The following VSIG1 variants were observed in gnomAD, a reference collection of about 807,000 sequenced individuals.
VSIG1 encodes the protein V-set and immunoglobulin domain-containing protein 1.
A neutral mutation model predicts 20.1 loss-of-function variants in VSIG1; 11 were observed. That is an observed-to-expected ratio of 0.55 (90% CI 0.34 to 0.91). The LOEUF (loss-of-function observed/expected upper bound fraction) is 0.91, where lower values mean the gene tolerates loss of function less well. Among genes scored for constraint, VSIG1 ranks in the 40% least tolerant of loss-of-function variants. VSIG1 has a pLI of 0.02. For missense variants in VSIG1, 283 were observed against 298.8 expected (o/e 0.95, Z 0.39); for synonymous variants, 126 against 116.7 (o/e 1.08, Z -0.52).
the VSIG1 span, among the ~76,000 whole-genome samples, chrX:108,020,860 G>C: frequency 1.8e-5 from 2 of 111,545 alleles, no homozygotes. Context: ...GTTCATGCCT[G>C]GAGATCTGTG....
At chrX:108,033,656 G>A in the VSIG1 span, among the ~76,000 whole-genome samples, 4 of 111,171 alleles carry the variant, frequency 3.6e-5, no homozygotes, top group African/African-American at 9.8e-5. Flanking sequence ...CTGCCCAGAC[G>A]GGGCTCAGTC....
chrX:108,075,694 G>A (rs1336937678), intron 5 of VSIG1, among the ~76,000 whole-genome samples: 2 of 111,239 alleles, frequency 1.8e-5, no homozygotes, highest in African/African-American at 3.3e-5. Context: ...AAGCATTGAC[G>A]CCATGGGGGA....
chrX:108,075,881 T>G (rs1006717804), intron 5 of VSIG1, among the ~76,000 whole-genome samples, 196 bp from the exon 6 acceptor site: 1 of 111,896 alleles, frequency 8.9e-6, no homozygotes. Flanking sequence ...CATTTTATTC[T>G]TTATGTGCAC....
the VSIG1 span, among the ~76,000 whole-genome samples, chrX:108,034,078 G>A: frequency 9.0e-6 from 1 of 110,655 alleles, no homozygotes; most frequent in African/African-American, 3.3e-5. Context: ...TGCTGCAAAG[G>A]ATTGTGGGAG....
the VSIG1 span, among the ~76,000 whole-genome samples, chrX:108,022,216 A>G: frequency 6.3e-5 from 7 of 111,833 alleles, no homozygotes; most frequent in African/African-American, 2.3e-4. Flanking sequence ...GGTTTTAAAA[A>G]ATTTCTTTCA....
Position 108,073,324 on chromosome X carries a change from A to G in VSIG1, c.643A>G (p.Asn215Asp). 8.3e-7 allele frequency: 1 copy of G among 1,211,184 alleles called. No individual in the cohort carries two copies. Among genetic ancestry groups the G allele is most frequent in the Non-Finnish European group, 1.1e-6 (1 of 894,903 alleles). The change falls in exon 5 of 7, where the codon AAC (asparagine) becomes GAC (aspartate). Residue 215 changes from asparagine (N) to aspartate (D), a missense_variant. Physicochemically the swap from Asn to Asp is conservative, Grantham distance 23. Transcript: ENST00000217957. ...AGGTTATTACCAGTGTACTGCCATC[A>G]ACAGACTTGGCAATAGTTCCTGCGA... ...EQGYYQCTAINRLGNSSCEID... is the reference protein window; with the variant it reads ...EQGYYQCTAIDRLGNSSCEID...
the VSIG1 span, among the ~76,000 whole-genome samples, chrX:108,023,284 T>G: frequency 4.5e-5 from 5 of 112,118 alleles, no homozygotes; most frequent in African/African-American, 6.5e-5. Context: ...TTTCATACAC[T>G]GAACTAACCT....
rs2031272450 is a variant in VSIG1 at position 108,072,658 on chromosome X, C to T, written c.413-19C>T. 1 of 1,196,382 alleles carries T rather than the reference C, an allele frequency of 8.4e-7. No homozygotes were observed. ...CCATTCATCCTAAAGAATTTTTATT[C>T]TTTGTCATTGCCTTACAGTGAAACC... On this transcript the variant is annotated intron_variant, in intron 3 of 6. Coordinates refer to ENST00000217957, the MANE Select transcript of VSIG1 (RefSeq NM_182607.5).
At chrX:108,033,273 C>T in the VSIG1 span, among the ~76,000 whole-genome samples, 9 of 112,332 alleles carry the variant, frequency 8.0e-5, no homozygotes, top group African/African-American at 2.3e-4. Context: ...TCTGCTCTGT[C>T]GCTACGAGCG....
chrX:108,028,008 G>T, the VSIG1 span, among the ~76,000 whole-genome samples: 1 of 111,128 alleles, frequency 9.0e-6, no homozygotes, highest in Non-Finnish European at 1.9e-5. Flanking sequence ...GTATAATTTT[G>T]GGGTGACCCA....
At chrX:108,054,247 A>G (rs1311704245) in intron 1 of VSIG1, among the ~76,000 whole-genome samples, 1 of 111,706 alleles carries the variant, frequency 9.0e-6, no homozygotes, top group Non-Finnish European at 1.9e-5. Flanking sequence ...TACACACCAA[A>G]CAACTATGTC....
chrX:108,065,317 T>C (rs189575874), intron 2 of VSIG1, among the ~76,000 whole-genome samples: 1 of 111,646 alleles, frequency 9.0e-6, no homozygotes, highest in East Asian at 2.8e-4. Context: ...TCCAGATCTG[T>C]CTCAACCGTC....
chrX:108,073,328 G>T lies in VSIG1; in HGVS notation c.647G>T (p.Arg216Ile). The T allele has an allele frequency of 8.3e-7, 1 of 1,210,863 alleles. No individual in the cohort carries two copies. The highest frequency in any genetic ancestry group is 3.0e-5 in the East Asian group (1 of 33,804). Residue 216 changes from arginine (R) to isoleucine (I), a missense_variant, in exon 5 of 7, where the codon AGA (arginine) becomes ATA (isoleucine). Coordinates refer to ENST00000217957, the MANE Select transcript of VSIG1 (RefSeq NM_182607.5). ...TATTACCAGTGTACTGCCATCAACAGACTTGGCAATAGTTCCTGCGAAATC... is the reference window on the plus strand; with the variant it reads ...TATTACCAGTGTACTGCCATCAACATACTTGGCAATAGTTCCTGCGAAATC... ...QGYYQCTAIN[R>I]LGNSSCEIDL...
At position 108,060,165 on chromosome X, in the gene VSIG1, CAAAT is replaced by C. The variant is rs756400663; in HGVS notation, c.213+1970_213+1973del. On this transcript the variant is annotated intron_variant, in intron 2 of 6. Transcript: ENST00000217957. ...GCACTTTTAAAAAAAAATCTGTTAA[CAAAT>C]AAATATTTATTGAGTAGCTTATTTA... Among the ~76,000 whole-genome samples the C allele has an allele frequency of 5.5e-3, 619 of 112,034 alleles. 5 individuals are homozygous for C. Among genetic ancestry groups the C allele is most frequent in the African/African-American group, 0.019 (582 of 30,872 alleles).
At position 108,073,193 on chromosome X, in the gene VSIG1, T is replaced by C. The variant is rs1326112789; in HGVS notation, c.569-57T>C. On this transcript the variant is annotated intron_variant, in intron 4 of 6. Transcript: ENST00000217957. ...GTGGACATTGAGTGATCTGTTACAC[T>C]GATGTTATCTGTATGCACAGAAGAG... 4.3e-6 allele frequency: 5 copies of C among 1,170,408 alleles called. No individual in the cohort carries two copies. The East Asian group carries it at 1.5e-4, about 35-fold the overall frequency.
At chrX:108,032,196 C>T in the VSIG1 span, among the ~76,000 whole-genome samples, 1 of 112,578 alleles carries the variant, frequency 8.9e-6, no homozygotes, top group Non-Finnish European at 1.9e-5. Context: ...CATGTCAACT[C>T]ATCTTTGTTT....
At chrX:108,032,710 G>C in the VSIG1 span, among the ~76,000 whole-genome samples, 2 of 111,343 alleles carry the variant, frequency 1.8e-5, no homozygotes, top group Non-Finnish European at 1.9e-5. Context: ...CCCTGAAGTG[G>C]GAGCATTTTT....
At chrX:108,060,701 T>G (rs2031001428) in intron 2 of VSIG1, among the ~76,000 whole-genome samples, 1 of 111,987 alleles carries the variant, frequency 8.9e-6, no homozygotes, top group Non-Finnish European at 1.9e-5. Context: ...ACAAGTCGTT[T>G]GACCTTTCAG....
intron 1 of VSIG1, among the ~76,000 whole-genome samples, chrX:108,046,307 A>G (rs1051614195): frequency 8.9e-6 from 1 of 112,289 alleles, no homozygotes; most frequent in South Asian, 3.7e-4. Flanking sequence ...CCATTTGTCC[A>G]GTGACCTAAC....
Sources: gnomAD v4.1 joint callset for allele counts (sites outside exome capture counted in the v4.1 genomes callset) on GRCh38, gnomAD v4.1.1 for gene constraint, MANE v1.5 for transcripts, NCBI Gene and HGNC (gene_info 2026-07-23, HGNC 2026-07-21) for gene names.